DPP8: variants seen among roughly 807,000 people sequenced by gnomAD.
The protein encoded by DPP8 is DPP VIII.
A neutral mutation model predicts 107.5 loss-of-function variants in DPP8; 31 were observed. That is an observed-to-expected ratio of 0.29 (90% CI 0.22 to 0.39). The LOEUF (loss-of-function observed/expected upper bound fraction) is 0.39. DPP8 is among the 10% of genes least tolerant of loss of function. The pLI is 1.00. For missense variants in DPP8, 842 were observed against 1,076.1 expected, an observed-to-expected ratio of 0.78 and a Z score of 3.04; for synonymous variants, 381 against 356.6, an observed-to-expected ratio of 1.07 and a Z score of -0.77.
chr15:65,506,486 C>T (rs1251829060), intron 3 of DPP8, among the ~76,000 whole-genome samples: 3 of 151,792 alleles, frequency 2.0e-5, no homozygotes, highest in Admixed American at 6.6e-5. Context: ...AGGTGGCTCA[C>T]GCCTGTAATC....
rs1014849897 is a variant in DPP8 at position 65,455,906 on chromosome 15, G to A, written c.2118+319C>T. The A allele has an allele frequency of 4.2e-6, 5 of 1,192,976 alleles. No individual in the cohort carries two copies. In the African/African-American group the frequency reaches 7.8e-5, roughly 19 times the overall value. The allele number at this position is 1,192,976 out of a possible 1,614,324, so 73.9% of individuals were successfully genotyped here. On this transcript the variant is annotated intron_variant, in intron 16 of 19. Coordinates refer to ENST00000300141, the MANE Select transcript of DPP8 (RefSeq NM_130434.5). ...CCAGTTGGATTCCCTCTTCACAGAGGACAGAACAAATCTCAATTATTCCTC... is the reference window on the plus strand; with the variant it reads ...CCAGTTGGATTCCCTCTTCACAGAGAACAGAACAAATCTCAATTATTCCTC...
Position 65,443,092 on chromosome 15 carries a change from T to C in DPP8, c.*3792A>G, listed in dbSNP as rs549663811. ...ATACTAATCAGAAGTACTGCTTCAT[T>C]AATAAACATGCTTAGCATTTACTTT... On this transcript the variant is annotated 3_prime_UTR_variant, in exon 20 of 20. Transcript: ENST00000300141. 2 of 152,368 alleles carry C rather than the reference T, an allele frequency of 1.3e-5. No homozygotes were observed. Among genetic ancestry groups the C allele is most frequent in the South Asian group, 4.1e-4 (2 of 4,830 alleles). 9.4% of individuals were successfully genotyped at this position (152,368 alleles called of 1,614,324 possible).
intron 14 of DPP8, among the ~76,000 whole-genome samples, chr15:65,466,431 C>T (rs557760911): frequency 1.8e-3 from 272 of 152,272 alleles, no homozygotes; most frequent in Non-Finnish European, 2.6e-3. Flanking sequence ...AGCCACTGCA[C>T]CTGGCCTTAA....
chr15:65,448,692 T>TAC (rs2063666851), intron 19 of DPP8, among the ~76,000 whole-genome samples: 1 of 105,288 alleles, frequency 9.5e-6, no homozygotes, highest in African/African-American at 3.6e-5. Flanking sequence ...AAAAAAAAAA[T>TAC]ATATATATAT....
chr15:65,479,615 C>G (rs1469137452), intron 10 of DPP8, among the ~76,000 whole-genome samples: 1 of 151,692 alleles, frequency 6.6e-6, no homozygotes, highest in African/African-American at 2.4e-5. Flanking sequence ...GAGGCCGAGG[C>G]GGGTGGATCA....
intron 19 of DPP8, among the ~76,000 whole-genome samples, chr15:65,449,743 C>A (rs2063829819): frequency 6.6e-6 from 1 of 152,070 alleles, no homozygotes; most frequent in Non-Finnish European, 1.5e-5. Flanking sequence ...TGAGGCCAAA[C>A]TTTTCTTCAC....
At chr15:65,492,291 G>A (rs887519826) in intron 5 of DPP8, among the ~76,000 whole-genome samples, 4 of 151,936 alleles carry the variant, frequency 2.6e-5, no homozygotes, top group African/African-American at 9.7e-5. Context: ...GCAGTGAGCC[G>A]AGATCATGCC....
intron 4 of DPP8, among the ~76,000 whole-genome samples, chr15:65,499,616 G>C (rs2068982717): frequency 6.6e-6 from 1 of 152,046 alleles, no homozygotes; most frequent in Non-Finnish European, 1.5e-5. Flanking sequence ...CCACGCTAAA[G>C]TGCAGCAGCA....
chr15:65,486,900 T>G (rs1164776285), intron 7 of DPP8, among the ~76,000 whole-genome samples: 3 of 151,898 alleles, frequency 2.0e-5, no homozygotes, highest in African/African-American at 7.3e-5. Context: ...GGGTGACGGG[T>G]GCACCAAAAT....
intron 16 of DPP8, 151 bp from the exon 17 acceptor site, chr15:65,454,566 AC>A (rs1439748793): frequency 3.0e-6 from 2 of 669,508 alleles, no homozygotes; most frequent in African/African-American, 1.9e-5. Context: ...TCACTCTGTC[AC>A]CCAGGCTGGA....
intron 2 of DPP8, among the ~76,000 whole-genome samples, chr15:65,509,627 T>C (rs942923797): frequency 6.6e-6 from 1 of 152,198 alleles, no homozygotes; most frequent in Non-Finnish European, 1.5e-5. Context: ...TGAAGTAAAA[T>C]GCTAATGTAA....
At chr15:65,484,609 A>G (rs780754242) in intron 8 of DPP8, among the ~76,000 whole-genome samples, 2 of 148,350 alleles carry the variant, frequency 1.3e-5, no homozygotes, top group Non-Finnish European at 3.0e-5. Flanking sequence ...AGAGAAAGCT[A>G]TTCTCTTTTC....
intron 16 of DPP8, chr15:65,455,589 GC>G (rs2064350056): frequency 1.0e-6 from 1 of 975,916 alleles, no homozygotes; most frequent in Non-Finnish European, 1.3e-6. Flanking sequence ...ATATTACTAG[GC>G]CTGCCAGTGC....
chr15:65,509,016 A>T (rs2070424058), intron 2 of DPP8, among the ~76,000 whole-genome samples: 1 of 152,216 alleles, frequency 6.6e-6, no homozygotes, highest in African/African-American at 2.4e-5. Flanking sequence ...GGTATTTATG[A>T]TAACTCCCAT....
At chr15:65,516,944 G>A (rs2071516823) in intron 1 of DPP8, 1 of 152,752 alleles carries the variant, frequency 6.5e-6, no homozygotes, top group African/African-American at 2.4e-5. Flanking sequence ...AGACAGGTGT[G>A]GCAGGAAAGG....
intron 2 of DPP8, among the ~76,000 whole-genome samples, chr15:65,508,344 T>C (rs534530009): frequency 7.2e-5 from 11 of 152,170 alleles, no homozygotes; most frequent in Non-Finnish European, 1.5e-4. Flanking sequence ...ACTGATCTGC[T>C]GAAAATCTCT....
chr15:65,513,266 T>C (rs547012550), intron 1 of DPP8, among the ~76,000 whole-genome samples: 1 of 151,710 alleles, frequency 6.6e-6, no homozygotes, highest in African/African-American at 2.4e-5. Flanking sequence ...CAGACTGGAG[T>C]GCGGTGGCAA....
At chr15:65,463,419 G>A (rs2065080018) in intron 15 of DPP8, among the ~76,000 whole-genome samples, 2 of 152,106 alleles carry the variant, frequency 1.3e-5, no homozygotes, top group Non-Finnish European at 2.9e-5. Flanking sequence ...ATGTATGCCT[G>A]TAATCCCAGC....
chr15:65,470,119 T>C (rs2065729989), intron 12 of DPP8, among the ~76,000 whole-genome samples: 1 of 128,200 alleles, frequency 7.8e-6, no homozygotes, highest in Non-Finnish European at 1.6e-5. Context: ...CACTTGAACC[T>C]AGGAGGCGGA....
Sources: allele counts gnomAD v4.1 joint callset (sites outside exome capture counted in the v4.1 genomes callset), GRCh38; gene constraint gnomAD v4.1.1; transcripts MANE v1.5; gene names NCBI Gene and HGNC (gene_info 2026-07-23, HGNC 2026-07-21).